The following SMARCA2 variants were observed in gnomAD, a reference collection of about 807,000 sequenced individuals.
SMARCA2 encodes the protein SWI/SNF-related matrix-associated actin-dependent regulator of chromatin subfamily A member 2.
Under a neutral mutation model 199.8 loss-of-function variants are expected in SMARCA2, and 61 were observed. The ratio of observed to expected loss-of-function variants is 0.31; its 90% CI spans 0.25 to 0.38. The LOEUF is 0.38. Among genes scored for constraint, SMARCA2 ranks in the 10% least tolerant of loss-of-function variants. SMARCA2 has a pLI of 1.00. For synonymous variants in SMARCA2, 935 were observed against 732.0 expected (o/e 1.28, Z -4.48); for missense variants, 1,344 against 2,012.2 (o/e 0.67, Z 6.35).
At chr9:2,111,840 C>G (rs1407175916) in intron 24 of SMARCA2, among the ~76,000 whole-genome samples, 3 of 152,122 alleles carry the variant, frequency 2.0e-5, no homozygotes, top group African/African-American at 4.8e-5. Context: ...ATGAGGAGCA[C>G]TGATTTAAAG....
intron 4 of SMARCA2, chr9:2,043,374 C>T (rs971314330): frequency 3.3e-5 from 5 of 152,310 alleles, no homozygotes; most frequent in African/African-American, 9.6e-5. Flanking sequence ...GCCACTCTTA[C>T]GATGGAATGT....
At chr9:2,144,974 G>A (rs534447879) in intron 27 of SMARCA2, among the ~76,000 whole-genome samples, 3 of 152,298 alleles carry the variant, frequency 2.0e-5, no homozygotes, top group Non-Finnish European at 1.5e-5. Context: ...TGGGGAATCT[G>A]CATTTAAGGA....
chr9:2,182,296 C>G, intron 31 of SMARCA2, 54 bp downstream of exon 31: 1 of 1,041,084 alleles, frequency 9.6e-7, no homozygotes, highest in Non-Finnish European at 1.5e-6. Context: ...GCCCGTTGTT[C>G]TTTTTAAGTA....
chr9:2,132,205 C>A (rs927139355), intron 27 of SMARCA2, among the ~76,000 whole-genome samples: 2 of 152,152 alleles, frequency 1.3e-5, no homozygotes, highest in African/African-American at 4.8e-5. Context: ...ATTTGAAATT[C>A]TATGGAAATA....
At position 2,056,955 on chromosome 9, in the gene SMARCA2, A is replaced by G. The variant is rs779528075; in HGVS notation, c.1347+110A>G. On this transcript the variant is annotated intron_variant, in intron 7 of 33. Transcript: ENST00000349721. The surrounding 1 kb of genome is among the most constrained non-coding windows in gnomAD (Gnocchi z 4.0). ...ATGGACCCTTGTGGGTGGTGGGGAC[A>G]TCACAGAACAGAACGGTTCCTTGAC... 1.3e-4 allele frequency: 116 copies of G among 896,576 alleles called. No individual in the cohort carries two copies. The highest frequency in any genetic ancestry group is 2.7e-4 in the Admixed American group (10 of 37,432). The allele number at this position is 896,576 out of a possible 1,614,324, so 55.5% of individuals were successfully genotyped here.
In SMARCA2 at chr9:2,123,661, G is replaced by C. The variant is rs79769400; in HGVS notation, c.3763-58G>C. 6 of 1,449,234 alleles carry C rather than the reference G, an allele frequency of 4.1e-6. No homozygotes were observed. In the East Asian group the frequency reaches 1.4e-4, roughly 33 times the overall value. The allele number at this position is 1,449,234 out of a possible 1,614,324, so 89.8% of individuals were successfully genotyped here. A position where few individuals can be genotyped will look rare whatever the true frequency, so the allele number is the denominator to read the frequency against. ...ACTTGGGGAAGTTGTGTAGTGCTGG[G>C]AAGTCTGCACCATACAGAAGCCCTG... On this transcript the variant is annotated intron_variant, in intron 26 of 33. Coordinates refer to ENST00000349721, the MANE Select transcript of SMARCA2 (RefSeq NM_003070.5). The surrounding 1 kb of genome is among the most constrained non-coding windows in gnomAD (Gnocchi z 4.1).
At chr9:2,064,951 G>C (rs1225571401) in intron 9 of SMARCA2, among the ~76,000 whole-genome samples, 1 of 152,212 alleles carries the variant, frequency 6.6e-6, no homozygotes, top group Non-Finnish European at 1.5e-5. Context: ...TTGGGAGGCC[G>C]AGGCGGGCGG....
chr9:2,139,195 C>A (rs981405893), intron 27 of SMARCA2, among the ~76,000 whole-genome samples: 1 of 152,146 alleles, frequency 6.6e-6, no homozygotes, highest in South Asian at 2.1e-4. Flanking sequence ...CCACTGAGAC[C>A]GTGGCATTGC....
intron 27 of SMARCA2, chr9:2,159,070 T>A (rs1413903456): frequency 6.8e-7 from 1 of 1,472,852 alleles, no homozygotes; most frequent in Non-Finnish European, 9.2e-7. Flanking sequence ...TTGTTTCAGT[T>A]GTTCTGTTTG....
At chr9:2,084,405 T>TGTGTGTGG (rs1554623531) in intron 17 of SMARCA2, among the ~76,000 whole-genome samples, 25 of 151,522 alleles carry the variant, frequency 1.6e-4, no homozygotes, top group African/African-American at 5.8e-4. Flanking sequence ...TGTGTGTGTG[T>TGTGTGTGG]GTGTGTGTGT....
Position 2,110,761 on chromosome 9 carries a change from G to A in SMARCA2, c.3456+344G>A, listed in dbSNP as rs1282044589. 1.3e-5 allele frequency among the ~76,000 whole-genome samples: 2 copies of A among 152,112 alleles called. No individual in the cohort carries two copies. The highest frequency in any genetic ancestry group is 3.8e-4 in the East Asian group (2 of 5,196). The stretch of plus-strand genomic sequence containing the variant: ...AAGAACAATAGCAACCATCATTCAT[G>A]GGACCCTTAATCTGTGTCAGCCTCT... On this transcript the variant is annotated intron_variant, in intron 24 of 33. Coordinates refer to ENST00000349721, the MANE Select transcript of SMARCA2 (RefSeq NM_003070.5). The surrounding 1 kb of genome is among the most constrained non-coding windows in gnomAD (Gnocchi z 4.8).
At chr9:2,150,856 A>G (rs1825026961) in intron 27 of SMARCA2, among the ~76,000 whole-genome samples, 2 of 151,434 alleles carry the variant, frequency 1.3e-5, no homozygotes, top group Admixed American at 6.6e-5. Flanking sequence ...TCCTTGGTGT[A>G]TGTATGCGGG....
chr9:2,159,078 T>G, intron 27 of SMARCA2: 1 of 1,455,058 alleles, frequency 6.9e-7, no homozygotes, highest in South Asian at 1.3e-5. Flanking sequence ...GTTGTTCTGT[T>G]TGCAATTTAA....
intron 17 of SMARCA2, among the ~76,000 whole-genome samples, chr9:2,084,858 T>A (rs1432112112): frequency 1.3e-5 from 2 of 152,336 alleles, no homozygotes; most frequent in African/African-American, 4.8e-5. Context: ...GTAGAAATTT[T>A]TACTCCCATT....
chr9:2,047,509 C>A (rs1267418757), intron 5 of SMARCA2, 25 bp downstream of exon 5: 2 of 1,370,662 alleles, frequency 1.5e-6, no homozygotes, highest in Non-Finnish European at 9.5e-7. Context: ...CAGCAAGGGG[C>A]CCCCTGCGGT....
intron 4 of SMARCA2, among the ~76,000 whole-genome samples, chr9:2,046,519 C>G (rs1298776338): frequency 6.6e-6 from 1 of 152,038 alleles, no homozygotes; most frequent in Non-Finnish European, 1.5e-5. Context: ...ATTTAAGTTC[C>G]CAGACTTCAC....
Position 2,086,687 on chromosome 9 carries a change from A to C in SMARCA2, c.2527-142A>C, listed in dbSNP as rs939794766. ...GCCTATCAGGCATGAGACATTGTTG[A>C]GATTCCCTTGTCTCAAAGGTAATCA... On this transcript the variant is annotated intron_variant, in intron 17 of 33. Transcript: ENST00000349721. This position sits in a 1 kb window ranked among gnomAD's most constrained non-coding sequence, Gnocchi z 4.3. 2.3e-5 allele frequency: 19 copies of C among 829,314 alleles called. No individual in the cohort carries two copies. The highest frequency in any genetic ancestry group is 2.5e-5 in the Non-Finnish European group (13 of 517,674). 51.4% of individuals were successfully genotyped at this position (829,314 alleles called of 1,614,324 possible).
chr9:2,188,611 A>C (rs1827657233), intron 32 of SMARCA2, among the ~76,000 whole-genome samples: 1 of 152,168 alleles, frequency 6.6e-6, no homozygotes, highest in Non-Finnish European at 1.5e-5. Flanking sequence ...CCATCAATTT[A>C]GTTTAATTTC....
At chr9:2,101,501 TA>T in intron 21 of SMARCA2, 68 bp from the exon 22 acceptor site, 1 of 829,642 alleles carries the variant, frequency 1.2e-6, no homozygotes, top group African/African-American at 1.8e-5. Context: ...ATAACCTCAC[TA>T]AAAGAGTAAT....
Sources: gnomAD v4.1 joint callset for allele counts (sites outside exome capture counted in the v4.1 genomes callset) on GRCh38, gnomAD v4.1.1 for gene constraint, Gnocchi (gnomAD v3.1) non-coding constraint, MANE v1.5 for transcripts, NCBI Gene and HGNC (gene_info 2026-07-23, HGNC 2026-07-21) for gene names.